VASP: variants seen among roughly 807,000 people sequenced by gnomAD.
VASP encodes vasodilator stimulated phosphoprotein.
A neutral mutation model predicts 54.4 loss-of-function variants in VASP; 27 were observed. That is an observed-to-expected ratio of 0.50 (90% CI 0.37 to 0.68). The LOEUF is 0.68. Ranked by LOEUF, VASP falls within the 30% of genes least tolerant of loss-of-function variation. The probability of loss-of-function intolerance (pLI) is 0.00; values close to 1 mark genes in which losing one functional copy is unlikely to be tolerated. For synonymous variants in VASP, 233 were observed against 209.8 expected (o/e 1.11, Z -0.96); for missense variants, 488 against 528.3 (o/e 0.92, Z 0.75).
Position 45,523,884 on chromosome 19 carries a change from A to G in VASP, c.910+7A>G. The stretch of plus-strand genomic sequence containing the variant: ...AGAGTCCCGGCCCAGAGTGGTGAGT[A>G]GAGTGCCCAGTCCAGCCACAGGAAC... On this transcript the variant is annotated splice_region_variant and intron_variant, in intron 9 of 12. Coordinates refer to ENST00000245932, the MANE Select transcript of VASP (RefSeq NM_003370.4). 1.9e-6 allele frequency: 3 copies of G among 1,607,676 alleles called. No homozygotes were observed. Among genetic ancestry groups the G allele is most frequent in the Non-Finnish European group, 2.5e-6 (3 of 1,179,774 alleles).
At position 45,519,896 on chromosome 19, in the gene VASP, T is replaced by C. The variant is rs1262143266; in HGVS notation, c.344-1426T>C. Among the ~76,000 whole-genome samples the C allele has an allele frequency of 5.0e-3, 279 of 55,664 alleles. 10 individuals carry two copies. The highest frequency in any genetic ancestry group is 0.031 in the South Asian group (34 of 1,098). The allele number at this position is 55,664 out of a possible 152,430, so 36.5% of individuals were successfully genotyped here. A position where few individuals can be genotyped will look rare whatever the true frequency, so the allele number is the denominator to read the frequency against. On this transcript the variant is annotated intron_variant, in intron 3 of 12. Transcript: ENST00000245932. ...AGGCGTGAGCCACTGCGCCCGGCCT[T>C]TTTTTTTTTTTTTTTTTTTTTTTTT... is the stretch of plus-strand genomic sequence containing the variant.
In VASP at chr19:45,524,634, T is replaced by G; in HGVS notation, c.1021T>G (p.Tyr341Asp). The G allele has an allele frequency of 6.2e-7, 1 of 1,613,832 alleles. No homozygotes were observed. The highest frequency in any genetic ancestry group is 8.5e-7 in the Non-Finnish European group (1 of 1,179,888). ...ACCCTGCACGCCCAGCTCCAGTGAT[T>G]ACTCGGACCTACAGAGGGTGAAACA... ...TQPCTPSSSD[Y>D]SDLQRVKQEL... Residue 341 changes from tyrosine to aspartate, a missense_variant, in exon 11 of 13, where the codon TAC (tyrosine) becomes GAC (aspartate). Tyr to Asp is a radical substitution (Grantham distance 160). Transcript: ENST00000245932.
intron 7 of VASP, 91 bp from the exon 8 acceptor site, chr19:45,523,553 C>T: frequency 1.4e-6 from 2 of 1,445,678 alleles, no homozygotes; most frequent in Admixed American, 2.2e-5. Flanking sequence ...TTCCAGAATT[C>T]TATGCGCTAG....
intron 7 of VASP, among the ~76,000 whole-genome samples, chr19:45,523,418 G>T (rs577808090): frequency 6.6e-6 from 1 of 151,952 alleles, no homozygotes; most frequent in East Asian, 1.9e-4. Context: ...GGCCAGGCTG[G>T]TCTTGAACTC....
intron 1 of VASP, among the ~76,000 whole-genome samples, chr19:45,514,330 G>C (rs1435273052): frequency 6.6e-6 from 1 of 152,116 alleles, no homozygotes; most frequent in Non-Finnish European, 1.5e-5. Flanking sequence ...TGATTCCGTA[G>C]GAGCCTGGAG....
intron 10 of VASP, 85 bp downstream of exon 10, chr19:45,524,227 A>G (rs1968910481): frequency 2.7e-6 from 4 of 1,480,104 alleles, no homozygotes; most frequent in Middle Eastern, 2.4e-4. Flanking sequence ...CCTGGGCAAC[A>G]TGGCGACACC....
chr19:45,523,937 C>A (rs998033034), intron 9 of VASP, 60 bp downstream of exon 9: 6 of 1,611,522 alleles, frequency 3.7e-6, no homozygotes, highest in Non-Finnish European at 5.1e-6. Flanking sequence ...TCTGTTCTCA[C>A]ATGTTAAGCA....
At chr19:45,510,226 G>C (rs1968574073) in intron 1 of VASP, among the ~76,000 whole-genome samples, 1 of 113,208 alleles carries the variant, frequency 8.8e-6, no homozygotes, top group African/African-American at 3.2e-5. Context: ...TTTTTTGTTG[G>C]TTTGTTTGTT....
chr19:45,514,013 G>A (rs190659764), intron 1 of VASP, among the ~76,000 whole-genome samples: 27 of 152,302 alleles, frequency 1.8e-4, no homozygotes, highest in African/African-American at 6.5e-4. Flanking sequence ...ATTGTGTTGG[G>A]CAGGGGTCAC....
At chr19:45,522,108 C>T (rs965315817) in intron 4 of VASP, 60 bp from the exon 5 acceptor site, 5 of 1,609,058 alleles carry the variant, frequency 3.1e-6, no homozygotes, top group Non-Finnish European at 4.2e-6. Flanking sequence ...GGTCGCTGGC[C>T]CCTTCGCTGG....
At position 45,524,557 on chromosome 19, in the gene VASP, C is replaced by A. The variant is rs1968917729; in HGVS notation, c.957-13C>A. On this transcript the variant is annotated splice_polypyrimidine_tract_variant and intron_variant, in intron 10 of 12. Transcript: ENST00000245932. ...AATCTCATTGCTGTCCCAAACCACA[C>A]CAACTCCCCCAGGATGAAGTCGTCT... is the stretch of plus-strand genomic sequence containing the variant. The A allele has an allele frequency of 1.9e-6, 3 of 1,613,604 alleles. No homozygotes were observed. The East Asian group carries it at 6.7e-5, about 36-fold the overall frequency.
At chr19:45,513,172 C>T (rs1374859126) in intron 1 of VASP, among the ~76,000 whole-genome samples, 2 of 152,096 alleles carry the variant, frequency 1.3e-5, no homozygotes, top group East Asian at 1.9e-4. Flanking sequence ...GTGTCAAGCA[C>T]CAAGAAGAGT....
chr19:45,509,884 T>C (rs1248227363), intron 1 of VASP, among the ~76,000 whole-genome samples: 4 of 152,204 alleles, frequency 2.6e-5, no homozygotes, highest in Non-Finnish European at 4.4e-5. Flanking sequence ...GATCCTCTGA[T>C]TTCTGGCTGG....
intron 3 of VASP, among the ~76,000 whole-genome samples, chr19:45,520,496 A>G (rs1002877328): frequency 6.6e-6 from 1 of 152,254 alleles, no homozygotes; most frequent in Non-Finnish European, 1.5e-5. Flanking sequence ...TGGGGCACAC[A>G]GAAAAATACA....
chr19:45,521,657 G>A (rs1446449933), intron 4 of VASP, among the ~76,000 whole-genome samples: 2 of 152,242 alleles, frequency 1.3e-5, no homozygotes, highest in African/African-American at 2.4e-5. Context: ...GGGAGGCCGA[G>A]GCGGGCAGAT....
intron 1 of VASP, among the ~76,000 whole-genome samples, chr19:45,513,388 G>A (rs765322245): frequency 1.3e-5 from 2 of 151,842 alleles, no homozygotes; most frequent in Admixed American, 1.3e-4. Context: ...GGGACTACAG[G>A]CAAGCGCCAC....
chr19:45,524,070 T>A lies in VASP; in HGVS notation c.911-27T>A, dbSNP rs367841634. 69 of 1,613,890 alleles carry A rather than the reference T, an allele frequency of 4.3e-5. 1 individual carries two copies. Among genetic ancestry groups the A allele is most frequent in the Non-Finnish European group, 5.5e-5 (65 of 1,179,990 alleles). ...TTGGGGGGCAGTCTTTTGTCCCTGA[T>A]CTTTCTGATTTCTTGCCTATCCCCA... On this transcript the variant is annotated intron_variant, in intron 9 of 12. Transcript: ENST00000245932.
At chr19:45,513,709 C>T (rs1467386063) in intron 1 of VASP, among the ~76,000 whole-genome samples, 2 of 151,888 alleles carry the variant, frequency 1.3e-5, no homozygotes, top group East Asian at 3.9e-4. Flanking sequence ...CTCAAGAGAT[C>T]CACCTGCTTT....
intron 2 of VASP, 29 bp from the exon 3 acceptor site, chr19:45,517,900 C>T (rs753714912): frequency 6.3e-7 from 1 of 1,596,038 alleles, no homozygotes; most frequent in Non-Finnish European, 8.5e-7. Context: ...GCGCCCGCCG[C>T]CCCTCACCCC....
Sources: allele counts gnomAD v4.1 joint callset (sites outside exome capture counted in the v4.1 genomes callset), GRCh38; gene constraint gnomAD v4.1.1; transcripts MANE v1.5; gene names NCBI Gene and HGNC (gene_info 2026-07-23, HGNC 2026-07-21).